SASH1: variants seen among roughly 807,000 people sequenced by gnomAD.
SASH1 encodes the protein SAM and SH3 domain-containing protein 1.
SASH1 carries 44 observed loss-of-function variants against 125.2 expected under a neutral mutation model. The ratio of observed to expected loss-of-function variants is 0.35; its 90% CI spans 0.28 to 0.45. The LOEUF (loss-of-function observed/expected upper bound fraction) is 0.45, where lower values mean the gene tolerates loss of function less well. Ranked by LOEUF, SASH1 falls within the 20% of genes least tolerant of loss-of-function variation. The probability of loss-of-function intolerance (pLI) is 1.00; values close to 1 mark genes in which losing one functional copy is unlikely to be tolerated. For missense variants in SASH1, 1,426 were observed against 1,614.5 expected, an observed-to-expected ratio of 0.88 and a Z score of 2.00; for synonymous variants, 639 against 649.1, an observed-to-expected ratio of 0.98 and a Z score of 0.24.
chr6:148,331,531 A>C (rs1191406398), intron 1 of SASH1, among the ~76,000 whole-genome samples: 2 of 151,992 alleles, frequency 1.3e-5, no homozygotes, highest in African/African-American at 4.8e-5. Flanking sequence ...GGGTTTCATC[A>C]TGTTGGCCAG....
chr6:148,504,026 G>T (rs1462535472), intron 8 of SASH1, among the ~76,000 whole-genome samples: 1 of 152,232 alleles, frequency 6.6e-6, no homozygotes, highest in Non-Finnish European at 1.5e-5. Flanking sequence ...TACATTGTCT[G>T]CATGACAGTT....
chr6:148,494,161 C>T (rs79095190), intron 8 of SASH1, among the ~76,000 whole-genome samples: 10,354 of 152,156 alleles, frequency 0.068, 460 homozygotes, highest in Non-Finnish European at 0.098. Flanking sequence ...TGAATATTAA[C>T]AAAAATGTTT....
intron 1 of SASH1, among the ~76,000 whole-genome samples, chr6:148,325,240 T>A (rs1040653745): frequency 1.5e-5 from 2 of 129,682 alleles, no homozygotes; most frequent in Non-Finnish European, 3.3e-5. Context: ...AAGTGCAGAG[T>A]GAAATAGGGG....
At position 148,514,400 on chromosome 6, in the gene SASH1, G is replaced by A. The variant is rs768187643; in HGVS notation, c.806G>A (p.Arg269His). The change falls in exon 9 of 20, where the codon CGC (arginine) becomes CAC (histidine). Residue 269 changes from arginine (R) to histidine (H), a missense_variant. Physicochemically the swap from Arg to His is conservative, Grantham distance 29. This residue lies in a region of SASH1 where 567 missense variants were observed against 575.6 expected (regional missense o/e 0.99). Transcript: ENST00000367467. ...KRLHKLVNSTRRVRKKLIRVE... is the reference protein window; with the variant it reads ...KRLHKLVNSTHRVRKKLIRVE... ...TTACACAAGCTGGTAAACTCCACTC[G>A]CAGAGTCAGAAAGAAACTAATTAGG... 23 of 1,551,638 alleles carry A rather than the reference G, an allele frequency of 1.5e-5. No homozygotes were observed. The highest frequency in any genetic ancestry group is 1.8e-5 in the Non-Finnish European group (21 of 1,147,804).
intron 1 of SASH1, among the ~76,000 whole-genome samples, chr6:148,378,448 T>G (rs1783000525): frequency 2.0e-5 from 3 of 151,904 alleles, no homozygotes. Context: ...TCTGCCTCCC[T>G]GGCTTAATTG....
chr6:148,292,894 T>TA (rs1779670533), intron 1 of SASH1, among the ~76,000 whole-genome samples: 1 of 151,804 alleles, frequency 6.6e-6, no homozygotes, highest in Non-Finnish European at 1.5e-5. Context: ...CTACTAAAAA[T>TA]ACAAAAAATT....
chr6:148,534,668 G>T, intron 15 of SASH1, 83 bp from the exon 16 acceptor site: 3 of 1,319,452 alleles, frequency 2.3e-6, no homozygotes, highest in South Asian at 2.4e-5. Flanking sequence ...GGAACAGTGT[G>T]TGGGTTGCAG....
intron 4 of SASH1, among the ~76,000 whole-genome samples, chr6:148,466,897 A>G (rs1218495606): frequency 1.3e-5 from 2 of 151,736 alleles, no homozygotes; most frequent in African/African-American, 2.4e-5. Context: ...CACCTCTTCC[A>G]TCTTCCTTCC....
At chr6:148,358,532 A>C (rs959855770) in intron 1 of SASH1, among the ~76,000 whole-genome samples, 1 of 152,154 alleles carries the variant, frequency 6.6e-6, no homozygotes, top group Non-Finnish European at 1.5e-5. Context: ...TTATGGAGGC[A>C]GAGAGAAGCA....
chr6:148,358,341 T>C (rs1782037322), intron 1 of SASH1, among the ~76,000 whole-genome samples: 1 of 152,182 alleles, frequency 6.6e-6, no homozygotes, highest in African/African-American at 2.4e-5. Flanking sequence ...GTTTGAATCT[T>C]GCATTTGCTG....
At chr6:148,472,445 TA>T (rs35761383) in intron 6 of SASH1, among the ~76,000 whole-genome samples, 97,853 of 144,044 alleles carry the variant, frequency 0.68, 32,805 homozygotes, top group East Asian at 0.84. Flanking sequence ...CCTTGGATTC[TA>T]AAAAAAAAAA....
At position 148,471,756 on chromosome 6, in the gene SASH1, G is replaced by A. The variant is rs1007448585; in HGVS notation, c.514+253G>A. Among the ~76,000 whole-genome samples the A allele has an allele frequency of 4.6e-5, 7 of 152,244 alleles. No homozygotes were observed. The South Asian group carries it at 1.5e-3, about 32-fold the overall frequency. On this transcript the variant is annotated intron_variant, in intron 6 of 19. Transcript: ENST00000367467. ...TTTCATAGATCTGACAGCAGAGGCC[G>A]AAACTTTCGTTTCCTCAGTTGCACC...
At chr6:148,262,040 G>T in the SASH1 span, among the ~76,000 whole-genome samples, 1 of 152,016 alleles carries the variant, frequency 6.6e-6, no homozygotes, top group African/African-American at 2.4e-5. Context: ...CCAGCTTCGT[G>T]CACTCAGATG....
intron 16 of SASH1, among the ~76,000 whole-genome samples, chr6:148,537,774 TTC>T (rs1191623912): frequency 9.9e-4 from 110 of 110,832 alleles, no homozygotes; most frequent in African/African-American, 3.2e-3. Flanking sequence ...TCTTAGCATA[TTC>T]TGTGTGTGTG....
At chr6:148,288,366 C>G (rs764565574) in intron 1 of SASH1, among the ~76,000 whole-genome samples, 1 of 152,194 alleles carries the variant, frequency 6.6e-6, no homozygotes, top group Non-Finnish European at 1.5e-5. Context: ...GAAACACAGG[C>G]TGTCTCCAAA....
intron 1 of SASH1, among the ~76,000 whole-genome samples, chr6:148,369,803 A>ATTAACCAGGC (rs1387858796): frequency 6.6e-6 from 1 of 151,778 alleles, no homozygotes. Context: ...AAAATACAAA[A>ATTAACCAGGC]ATTAGCTGGG....
the SASH1 span, among the ~76,000 whole-genome samples, chr6:148,244,022 G>T: frequency 6.6e-6 from 1 of 152,212 alleles, no homozygotes; most frequent in Admixed American, 6.5e-5. Context: ...CCACTGATGA[G>T]ATTGGTTTCT....
intron 1 of SASH1, among the ~76,000 whole-genome samples, chr6:148,347,390 C>G (rs1781554686): frequency 6.6e-6 from 1 of 152,186 alleles, no homozygotes; most frequent in African/African-American, 2.4e-5. Flanking sequence ...CCGAACCTTC[C>G]CCTACTCTAA....
At chr6:148,219,460 G>A in the SASH1 span, among the ~76,000 whole-genome samples, 1 of 152,118 alleles carries the variant, frequency 6.6e-6, no homozygotes, top group East Asian at 1.9e-4. Flanking sequence ...ACGCTATGAT[G>A]ATTCCCACTC....
Sources: gnomAD v4.1 joint callset for allele counts (sites outside exome capture counted in the v4.1 genomes callset) on GRCh38, gnomAD v4.1.1 for gene constraint, gnomAD v4.1.1 regional missense constraint, MANE v1.5 for transcripts, NCBI Gene and HGNC (gene_info 2026-07-23, HGNC 2026-07-21) for gene names.